Variants in TPD52 observed in about 807,000 individuals in gnomAD.
TPD52 encodes the protein tumor protein D52.
A neutral mutation model predicts 31.3 loss-of-function variants in TPD52; 17 were observed. The ratio of observed to expected loss-of-function variants is 0.54; its 90% CI spans 0.37 to 0.82. The LOEUF (loss-of-function observed/expected upper bound fraction) is 0.82. Ranked by LOEUF, TPD52 falls within the 40% of genes least tolerant of loss-of-function variation. TPD52 has a pLI of 0.00. For synonymous variants in TPD52, 83 were observed against 89.6 expected (o/e 0.93, Z 0.42); for missense variants, 212 against 240.1 (o/e 0.88, Z 0.77).
intron 1 of TPD52, among the ~76,000 whole-genome samples, chr8:80,160,674 A>C (rs1185972334): frequency 6.6e-6 from 1 of 151,980 alleles, no homozygotes; most frequent in African/African-American, 2.4e-5. Context: ...GCCCTTCTGA[A>C]ATGTGTTTTT....
intron 1 of TPD52, among the ~76,000 whole-genome samples, chr8:80,078,781 G>A (rs773113081): frequency 4.6e-5 from 7 of 151,956 alleles, no homozygotes; most frequent in Admixed American, 2.0e-4. Flanking sequence ...AGGTTCCTTC[G>A]AACAGCTAAC....
intron 1 of TPD52, among the ~76,000 whole-genome samples, chr8:80,163,688 A>T (rs897350919): frequency 3.3e-5 from 5 of 152,222 alleles, no homozygotes; most frequent in Non-Finnish European, 7.3e-5. Context: ...AGTAACAGGC[A>T]TCGAAAAGCT....
At chr8:80,171,044 T>C (rs1295507861) in intron 1 of TPD52, 1 of 504,574 alleles carries the variant, frequency 2.0e-6, no homozygotes, top group African/African-American at 1.9e-5. Flanking sequence ...AGCGACTCAC[T>C]GTCCTCTGTT....
chr8:80,164,681 C>T (rs1015417740), intron 1 of TPD52, among the ~76,000 whole-genome samples: 2 of 151,956 alleles, frequency 1.3e-5, no homozygotes, highest in Non-Finnish European at 2.9e-5. Flanking sequence ...GCCACAAGTT[C>T]GAGACCAGCC....
intron 1 of TPD52, among the ~76,000 whole-genome samples, chr8:80,092,113 T>C (rs1816321492): frequency 6.6e-6 from 1 of 152,218 alleles, no homozygotes; most frequent in Admixed American, 6.5e-5. Flanking sequence ...ATGATCAAAT[T>C]AGGGGTTTGG....
chr8:80,120,941 G>A (rs1208696703), intron 1 of TPD52, among the ~76,000 whole-genome samples: 1 of 151,952 alleles, frequency 6.6e-6, no homozygotes, highest in Non-Finnish European at 1.5e-5. Flanking sequence ...AATTAGCTGA[G>A]CATGGTGGCA....
intron 2 of TPD52, among the ~76,000 whole-genome samples, chr8:80,063,218 T>G (rs1048470689): frequency 6.6e-6 from 1 of 152,188 alleles, no homozygotes; most frequent in Non-Finnish European, 1.5e-5. Flanking sequence ...TATTCAGTCA[T>G]TAAACATAAT....
intron 1 of TPD52, among the ~76,000 whole-genome samples, chr8:80,083,662 G>T (rs186339728): frequency 2.0e-5 from 3 of 152,162 alleles, no homozygotes; most frequent in African/African-American, 7.2e-5. Context: ...CTAGAACTGT[G>T]AGTCAATTAA....
intron 7 of TPD52, among the ~76,000 whole-genome samples, chr8:80,039,137 T>C (rs765793873): frequency 1.6e-4 from 25 of 152,234 alleles, no homozygotes; most frequent in Non-Finnish European, 4.4e-5. Flanking sequence ...ACAGACCCCT[T>C]ATTTTCACTC....
intron 1 of TPD52, among the ~76,000 whole-genome samples, chr8:80,126,362 G>GT (rs779307059): frequency 0.041 from 5,459 of 131,690 alleles, 123 homozygotes; most frequent in Middle Eastern, 0.068. Context: ...ACTCATTGAG[G>GT]TTTTTTTTTT....
chr8:80,136,608 T>C (rs1481106787), intron 1 of TPD52, among the ~76,000 whole-genome samples: 1 of 149,676 alleles, frequency 6.7e-6, no homozygotes, highest in Non-Finnish European at 1.5e-5. Flanking sequence ...ACTGTTCTAC[T>C]ACTTTGTTCT....
In TPD52 at chr8:80,041,223, G is replaced by A. The variant is rs531165211; in HGVS notation, c.504+1397C>T. The stretch of plus-strand genomic sequence containing the variant: ...AGGTTGATGGGTGCAGTAAACCACC[G>A]TGGCACGTGTATACCTATGTAACAA... On this transcript the variant is annotated intron_variant, in intron 7 of 7. Transcript: ENST00000518937. Among the ~76,000 whole-genome samples, 30 of 152,138 alleles carry A rather than the reference G, an allele frequency of 2.0e-4. No individual in the cohort carries two copies. In the South Asian group the frequency reaches 4.8e-3, roughly 24 times the overall value.
intron 1 of TPD52, among the ~76,000 whole-genome samples, chr8:80,084,910 A>G (rs1024161129): frequency 7.9e-5 from 12 of 152,364 alleles, no homozygotes; most frequent in African/African-American, 2.9e-4. Flanking sequence ...CTGAAATGGA[A>G]AAAAGCAATA....
chr8:80,091,369 T>G (rs1448958139), intron 1 of TPD52, among the ~76,000 whole-genome samples: 2 of 150,320 alleles, frequency 1.3e-5, no homozygotes, highest in Non-Finnish European at 2.9e-5. Flanking sequence ...CTTGGGAGGC[T>G]GAGGCAGGAG....
chr8:80,152,063 C>A (rs951169629), intron 1 of TPD52, among the ~76,000 whole-genome samples: 5 of 152,170 alleles, frequency 3.3e-5, no homozygotes, highest in African/African-American at 1.2e-4. Flanking sequence ...AAATAGAATA[C>A]TGCAACGCTA....
chr8:80,142,687 G>A (rs964787222), intron 1 of TPD52, among the ~76,000 whole-genome samples: 2 of 152,152 alleles, frequency 1.3e-5, no homozygotes, highest in Non-Finnish European at 2.9e-5. Context: ...GGGCAACGGA[G>A]TGAGGCTCTG....
chr8:80,150,618 G>T (rs1440822898), intron 1 of TPD52, among the ~76,000 whole-genome samples: 1 of 152,240 alleles, frequency 6.6e-6, no homozygotes, highest in Non-Finnish European at 1.5e-5. Context: ...TCTTGCATCA[G>T]CGTGACCTGG....
At chr8:80,143,180 T>C (rs1809957433) in intron 1 of TPD52, among the ~76,000 whole-genome samples, 1 of 149,630 alleles carries the variant, frequency 6.7e-6, no homozygotes, top group Admixed American at 6.7e-5. Context: ...AAAGATGAAA[T>C]ATGATCAATC....
chr8:80,064,732 G>A, intron 1 of TPD52, 139 bp from the exon 2 acceptor site: 1 of 719,264 alleles, frequency 1.4e-6, no homozygotes. Flanking sequence ...AAATGACCTG[G>A]CTTTCTCAGC....
Sources: gnomAD v4.1 joint callset for allele counts (sites outside exome capture counted in the v4.1 genomes callset) on GRCh38, gnomAD v4.1.1 for gene constraint, MANE v1.5 for transcripts, NCBI Gene and HGNC (gene_info 2026-07-23, HGNC 2026-07-21) for gene names.